NF1: variants seen among roughly 807,000 people sequenced by gnomAD.
NF1 encodes the protein neurofibromin.
NF1 carries 122 observed loss-of-function variants against 325.7 expected under a neutral mutation model. That is an observed-to-expected ratio of 0.37 (90% CI 0.32 to 0.44). NF1 has a LOEUF of 0.44. NF1 is among the 20% of genes least tolerant of loss of function. The pLI is 1.00. For synonymous variants in NF1, 1,091 were observed against 1,186.0 expected (o/e 0.92, Z 1.65); for missense variants, 2,140 against 3,415.4 (o/e 0.63, Z 9.31).
intron 36 of NF1, among the ~76,000 whole-genome samples, chr17:31,300,456 T>C (rs531739173): frequency 2.6e-5 from 4 of 152,204 alleles, no homozygotes; most frequent in African/African-American, 9.6e-5. Context: ...ATCTTGAGTA[T>C]CACTCCATAT....
intron 1 of NF1, among the ~76,000 whole-genome samples, chr17:31,149,239 T>C (rs1193106552): frequency 6.6e-6 from 1 of 152,090 alleles, no homozygotes; most frequent in African/African-American, 2.4e-5. Context: ...TGTTATTTGC[T>C]CTTTCAGCAT....
At chr17:31,210,581 G>A (rs1336235940) in intron 12 of NF1, among the ~76,000 whole-genome samples, 1 of 152,052 alleles carries the variant, frequency 6.6e-6, no homozygotes, top group East Asian at 1.9e-4. Flanking sequence ...GCGAGACTCT[G>A]TCTCAAAGAA....
Position 31,156,166 on chromosome 17 carries a change from C to G in NF1, c.204+40C>G, listed in dbSNP as rs901312979. The stretch of plus-strand genomic sequence containing the variant: ...TACTGTGTTTTGGGGAATTTGCTTT[C>G]TTTTCTTTTTGATTAAAAAGTTTAG... On this transcript the variant is annotated intron_variant, in intron 2 of 57. Transcript: ENST00000358273. 3.7e-6 allele frequency: 6 copies of G among 1,609,638 alleles called. No homozygotes were observed. In the South Asian group the frequency reaches 6.6e-5, roughly 18 times the overall value.
intron 36 of NF1, among the ~76,000 whole-genome samples, chr17:31,277,878 T>TTA (rs2068037858): frequency 1.3e-5 from 2 of 152,190 alleles, no homozygotes. Flanking sequence ...GCCTTCTCCT[T>TTA]TATACATAAT....
intron 36 of NF1, chr17:31,321,914 A>G (rs1260252663): frequency 1.3e-5 from 2 of 152,180 alleles, no homozygotes; most frequent in South Asian, 2.1e-4. Context: ...TCCATTTCAA[A>G]TCTTCTCTAA....
intron 1 of NF1, among the ~76,000 whole-genome samples, chr17:31,098,624 A>AT (rs1461367138): frequency 6.6e-6 from 1 of 151,962 alleles, no homozygotes; most frequent in African/African-American, 2.4e-5. Flanking sequence ...ATGTACTGAG[A>AT]GATAGTTGTA....
intron 36 of NF1, among the ~76,000 whole-genome samples, chr17:31,276,060 T>G (rs865879284): frequency 9.1e-4 from 139 of 151,944 alleles, no homozygotes; most frequent in Non-Finnish European, 1.5e-3. Flanking sequence ...ATACAAAAAA[T>G]TAGCCAGGCT....
intron 36 of NF1, chr17:31,304,617 A>G: frequency 6.2e-7 from 1 of 1,614,180 alleles, no homozygotes; most frequent in Non-Finnish European, 8.5e-7. Flanking sequence ...CATCTGAAGA[A>G]GAAACAGCAG....
At chr17:31,254,135 G>A (rs1172322459) in intron 31 of NF1, 2 of 149,936 alleles carry the variant, frequency 1.3e-5, no homozygotes, top group Non-Finnish European at 1.5e-5. Flanking sequence ...AGCCAGGCGT[G>A]GTGGTGTACT....
chr17:31,256,431 G>A (rs545367645), intron 31 of NF1, among the ~76,000 whole-genome samples: 2 of 152,176 alleles, frequency 1.3e-5, no homozygotes, highest in Admixed American at 6.5e-5. Flanking sequence ...GAGCCACCAC[G>A]CCCAGCCAGA....
intron 14 of NF1, 47 bp downstream of exon 14, chr17:31,219,165 A>T (rs17880660): frequency 6.4e-7 from 1 of 1,561,964 alleles, no homozygotes; most frequent in East Asian, 2.3e-5. Flanking sequence ...GATTGTAACT[A>T]TGTACATTCA....
chr17:31,139,107 G>A (rs577976909), intron 1 of NF1, among the ~76,000 whole-genome samples: 1 of 152,140 alleles, frequency 6.6e-6, no homozygotes, highest in South Asian at 2.1e-4. Flanking sequence ...GAGTGCGGTG[G>A]CATGATCTCA....
chr17:31,338,241 A>G (rs1567618053), intron 45 of NF1, 102 bp downstream of exon 45: 2 of 833,572 alleles, frequency 2.4e-6, no homozygotes, highest in African/African-American at 1.7e-5. Flanking sequence ...GGTCAATGAA[A>G]TATCTTATAT....
At chr17:31,172,217 C>T (rs190801872) in intron 5 of NF1, among the ~76,000 whole-genome samples, 2 of 152,098 alleles carry the variant, frequency 1.3e-5, no homozygotes, top group Non-Finnish European at 2.9e-5. Flanking sequence ...GTCCCAGCTA[C>T]TTGGGAGGCT....
chr17:31,370,065 A>AT (rs2070604144), intron 57 of NF1, among the ~76,000 whole-genome samples: 1 of 152,140 alleles, frequency 6.6e-6, no homozygotes, highest in African/African-American at 2.4e-5. Flanking sequence ...TTACAGTAAA[A>AT]CATCTTTGCT....
intron 35 of NF1, among the ~76,000 whole-genome samples, chr17:31,262,644 G>T (rs1406126470): frequency 4.6e-5 from 7 of 152,142 alleles, no homozygotes; most frequent in African/African-American, 1.7e-4. Context: ...ATTACTTACA[G>T]GTCATGGTTT....
At chr17:31,190,679 T>C (rs1268610151) in intron 8 of NF1, among the ~76,000 whole-genome samples, 2 of 152,244 alleles carry the variant, frequency 1.3e-5, no homozygotes, top group Non-Finnish European at 2.9e-5. Context: ...ACTGATGCTC[T>C]TAATTCTATA....
chr17:31,239,557 A>G (rs9913470), intron 29 of NF1, among the ~76,000 whole-genome samples: 67,219 of 148,114 alleles, frequency 0.45, 18,645 homozygotes, highest in African/African-American at 0.78. Context: ...AGATGGGGGG[A>G]GGAATCAGAA....
At chr17:31,169,334 G>C (rs1477938148) in intron 4 of NF1, among the ~76,000 whole-genome samples, 2 of 152,140 alleles carry the variant, frequency 1.3e-5, no homozygotes, top group East Asian at 1.9e-4. Context: ...GCAATATTTA[G>C]ACACCTCAAT....
Sources: allele counts gnomAD v4.1 joint callset (sites outside exome capture counted in the v4.1 genomes callset), GRCh38; gene constraint gnomAD v4.1.1; transcripts MANE v1.5; gene names NCBI Gene and HGNC (gene_info 2026-07-23, HGNC 2026-07-21).